Variants in PCDHGC3 observed in about 807,000 individuals in gnomAD.
PCDHGC3 encodes protocadherin gamma subfamily C, 3.
PCDHGC3 carries 26 observed loss-of-function variants against 59.2 expected under a neutral mutation model. That is an observed-to-expected ratio of 0.44 (90% CI 0.32 to 0.61). PCDHGC3 has a LOEUF of 0.61. Ranked by LOEUF, PCDHGC3 falls within the 20% of genes least tolerant of loss-of-function variation. The pLI is 0.05. For synonymous variants in PCDHGC3, 487 were observed against 519.7 expected, an observed-to-expected ratio of 0.94 and a Z score of 0.86; for missense variants, 1,080 against 1,221.8, an observed-to-expected ratio of 0.88 and a Z score of 1.73.
At chr5:141,481,844 G>A (rs552753850) in intron 1 of PCDHGC3, among the ~76,000 whole-genome samples, 7 of 151,350 alleles carry the variant, frequency 4.6e-5, no homozygotes, top group Admixed American at 1.3e-4. Context: ...TCGCTTGATG[G>A]TGGAGGTTGC....
intron 1 of PCDHGC3, chr5:141,492,046 A>C: frequency 6.1e-6 from 3 of 494,434 alleles, no homozygotes; most frequent in South Asian, 8.1e-5. Flanking sequence ...TCACAGATCC[A>C]CCCCTGCAGC....
chr5:141,486,673 A>G lies in PCDHGC3; in HGVS notation c.2430+8127A>G. On this transcript the variant is annotated intron_variant, in intron 1 of 3. Transcript: ENST00000308177. The surrounding 1 kb of genome is among the most constrained non-coding windows in gnomAD (Gnocchi z 5.0). ...ACTCACTCCTGGAGCCCAGGAATCG[A>G]GATGTATCAGCTTCCTCTTTCATCT... The G allele has an allele frequency of 6.2e-7, 1 of 1,614,014 alleles. No homozygotes were observed. The highest frequency in any genetic ancestry group is 2.2e-5 in the East Asian group (1 of 44,866).
At position 141,485,430 on chromosome 5, in the gene PCDHGC3, T is replaced by C; in HGVS notation, c.2430+6884T>C. The C allele has an allele frequency of 6.2e-7, 1 of 1,614,138 alleles. No individual in the cohort carries two copies. Among genetic ancestry groups the C allele is most frequent in the Non-Finnish European group, 8.5e-7 (1 of 1,180,022 alleles). On this transcript the variant is annotated intron_variant, in intron 1 of 3. Transcript: ENST00000308177. The surrounding 1 kb of genome is among the most constrained non-coding windows in gnomAD (Gnocchi z 5.7). ...GATTTGGACAGCGGAGCCCTGCTCA[T>C]CAAGAACCCAATCGACCGAGAGGCA... is the stretch of plus-strand genomic sequence containing the variant.
Position 141,487,421 on chromosome 5 carries a change from C to T in PCDHGC3, c.2431-7386C>T. ...GGGGCTTCCCCCTTCCAATGGGATC[C>T]TCCGAATCCAGCTAGGGTCAGATGA... On this transcript the variant is annotated intron_variant, in intron 1 of 3. Coordinates refer to ENST00000308177, the MANE Select transcript of PCDHGC3 (RefSeq NM_002588.4). This position sits in a 1 kb window ranked among gnomAD's most constrained non-coding sequence, Gnocchi z 5.0. The T allele has an allele frequency of 6.2e-7, 1 of 1,614,144 alleles. No homozygotes were observed. The highest frequency in any genetic ancestry group is 1.1e-5 in the South Asian group (1 of 91,082).
In PCDHGC3 at chr5:141,489,406, A is replaced by T; in HGVS notation, c.2431-5401A>T. 6.2e-7 allele frequency: 1 copy of T among 1,614,166 alleles called. No individual in the cohort carries two copies. Among genetic ancestry groups the T allele is most frequent in the Non-Finnish European group, 8.5e-7 (1 of 1,180,028 alleles). Reference sequence around the variant, plus strand: ...TGTTGCTCAGGATCTGGGCTTAAAGATGACAGATCTGTTGAGCCGGCGGCT... The same window carrying T: ...TGTTGCTCAGGATCTGGGCTTAAAGTTGACAGATCTGTTGAGCCGGCGGCT... On this transcript the variant is annotated intron_variant, in intron 1 of 3. Coordinates refer to ENST00000308177, the MANE Select transcript of PCDHGC3 (RefSeq NM_002588.4). This position sits in a 1 kb window ranked among gnomAD's most constrained non-coding sequence, Gnocchi z 4.5.
At chr5:141,496,581 C>T (rs868326584) in intron 2 of PCDHGC3, among the ~76,000 whole-genome samples, 9 of 152,134 alleles carry the variant, frequency 5.9e-5, no homozygotes, top group African/African-American at 1.9e-4. Flanking sequence ...ATTTTAGGAA[C>T]GCAAAGCGCT....
chr5:141,511,084 C>G lies in PCDHGC3; in HGVS notation c.2716C>G (p.Leu906Val). 1 of 1,614,236 alleles carries G rather than the reference C, an allele frequency of 6.2e-7. No homozygotes were observed. Among genetic ancestry groups the G allele is most frequent in the Non-Finnish European group, 8.5e-7 (1 of 1,180,030 alleles). The change falls in exon 4 of 4, where the codon CTG becomes GTG. Residue 906 changes from leucine (L) to valine (V), a missense_variant. Leu to Val is a conservative substitution (Grantham distance 32). Coordinates refer to ENST00000308177, the MANE Select transcript of PCDHGC3 (RefSeq NM_002588.4). Reference sequence around the variant, plus strand: ...CTACATCCCAGGCAGCAATGCCACACTGACCAACGCAGCTGGCAAGCGGGA... The same window carrying G: ...CTACATCCCAGGCAGCAATGCCACAGTGACCAACGCAGCTGGCAAGCGGGA... ...NVYIPGSNAT[L>V]TNAAGKRDGK...
Position 141,491,547 on chromosome 5 carries a change from G to A in PCDHGC3, c.2431-3260G>A. On this transcript the variant is annotated intron_variant, in intron 1 of 3. Transcript: ENST00000308177. This position sits in a 1 kb window ranked among gnomAD's most constrained non-coding sequence, Gnocchi z 6.9. ...AGGTGACGCTGCGGCCCACAGACTC[G>A]CAGAGCCACTGCTACAGGACGTGCT... is the stretch of plus-strand genomic sequence containing the variant. The A allele has an allele frequency of 4.3e-6, 7 of 1,613,974 alleles. No individual in the cohort carries two copies. The highest frequency in any genetic ancestry group is 5.9e-6 in the Non-Finnish European group (7 of 1,180,022).
Position 141,491,885 on chromosome 5 carries a change from G to T in PCDHGC3, c.2431-2922G>T. On this transcript the variant is annotated intron_variant, in intron 1 of 3. Transcript: ENST00000308177. The surrounding 1 kb of genome is among the most constrained non-coding windows in gnomAD (Gnocchi z 6.9). ...ACCAGAGTGGCCGATTAAGGGATGG[G>T]GCTCCGAGCACCGGGGGTGGTGGCG... The T allele has an allele frequency of 6.9e-7, 1 of 1,445,748 alleles. No homozygotes were observed. Among genetic ancestry groups the T allele is most frequent in the Non-Finnish European group, 9.1e-7 (1 of 1,093,758 alleles). The allele number at this position is 1,445,748 out of a possible 1,614,324, so 89.6% of individuals were successfully genotyped here. A position where few individuals can be genotyped will look rare whatever the true frequency, so the allele number is the denominator to read the frequency against.
At position 141,477,368 on chromosome 5, in the gene PCDHGC3, G is replaced by A; in HGVS notation, c.1252G>A (p.Glu418Lys). Reference sequence around the variant, plus strand: ...GAAAACCAGTGCAGACCTGGATCGGGAGACTGTGCCAGAATACAACCTCAG... The same window carrying A: ...GAAAACCAGTGCAGACCTGGATCGGAAGACTGTGCCAGAATACAACCTCAG... ...TLKTSADLDRETVPEYNLSIT... is the reference protein window; with the variant it reads ...TLKTSADLDRKTVPEYNLSIT... Residue 418 changes from glutamate (E) to lysine (K), a missense_variant, in exon 1 of 4, where the codon GAG (glutamate) becomes AAG (lysine). By Grantham distance (56) the Glu-to-Lys change is moderately conservative (BLOSUM62 1). Coordinates refer to ENST00000308177, the MANE Select transcript of PCDHGC3 (RefSeq NM_002588.4). The surrounding 1 kb of genome is among the most constrained non-coding windows in gnomAD (Gnocchi z 4.9). 6.2e-7 allele frequency: 1 copy of A among 1,614,132 alleles called. No individual in the cohort carries two copies. Among genetic ancestry groups the A allele is most frequent in the Non-Finnish European group, 8.5e-7 (1 of 1,180,024 alleles).
In PCDHGC3 at chr5:141,505,471, G is replaced by A. The variant is rs766596231; in HGVS notation, c.2568G>A (p.Ala856=). The A allele has an allele frequency of 3.4e-5, 55 of 1,614,244 alleles. No individual in the cohort carries two copies. The highest frequency in any genetic ancestry group is 1.1e-4 in the East Asian group (5 of 44,880). ...AGATGCTGCAAGCCATGATCTTGGCGTCCGCCAGTGGTAAGTGGTGTCAGT... is the reference window on the plus strand; with the variant it reads ...AGATGCTGCAAGCCATGATCTTGGCATCCGCCAGTGGTAAGTGGTGTCAGT... ...DTEMLQAMIL[A]SASEAADGSS... Residue 856 remains alanine (A), a synonymous_variant, in exon 3 of 4, where the codon GCG becomes GCA. Coordinates refer to ENST00000308177, the MANE Select transcript of PCDHGC3 (RefSeq NM_002588.4).
intron 2 of PCDHGC3, 107 bp from the exon 3 acceptor site, chr5:141,505,286 A>T: frequency 3.2e-6 from 5 of 1,551,278 alleles, no homozygotes; most frequent in Non-Finnish European, 4.4e-6. Flanking sequence ...GGTCTTGGGC[A>T]TGGGGTAGGG....
At position 141,497,121 on chromosome 5, in the gene PCDHGC3, G is replaced by T. The variant is rs185298630; in HGVS notation, c.2489+2256G>T. Among the ~76,000 whole-genome samples, 563 of 152,212 alleles carry T rather than the reference G, an allele frequency of 3.7e-3. 5 individuals are homozygous for T. The highest frequency in any genetic ancestry group is 0.011 in the Admixed American group (164 of 15,296). On this transcript the variant is annotated intron_variant, in intron 2 of 3. Coordinates refer to ENST00000308177, the MANE Select transcript of PCDHGC3 (RefSeq NM_002588.4). Reference sequence around the variant, plus strand: ...GAACTGCTTGAACCCGGAAGGCAGAGGTTGCAGTGAGCTGAGATCACGAAA... The same window carrying T: ...GAACTGCTTGAACCCGGAAGGCAGATGTTGCAGTGAGCTGAGATCACGAAA...
rs768648952 is a variant in PCDHGC3, at chr5:141,477,230, G to T, written c.1114G>T (p.Ala372Ser). 14 of 1,614,046 alleles carry T rather than the reference G, an allele frequency of 8.7e-6. No homozygotes were observed. The highest frequency in any genetic ancestry group is 4.0e-5 in the African/African-American group (3 of 74,916). The change falls in exon 1 of 4, where the codon GCT becomes TCT. Residue 372 changes from alanine to serine, a missense_variant. Ala to Ser is a moderately conservative substitution (Grantham distance 99). Transcript: ENST00000308177. The surrounding 1 kb of genome is among the most constrained non-coding windows in gnomAD (Gnocchi z 4.9). Reference sequence around the variant, plus strand: ...GGATGCCCCTCTGGGGACTGTCATCGCTTTGCTCAGTGTGACTGACCTGGA... The same window carrying T: ...GGATGCCCCTCTGGGGACTGTCATCTCTTTGCTCAGTGTGACTGACCTGGA... ...PEDAPLGTVI[A>S]LLSVTDLDAG...
chr5:141,493,346 C>T lies in PCDHGC3; in HGVS notation c.2431-1461C>T, dbSNP rs766845200. Among the ~76,000 whole-genome samples, 5 of 152,172 alleles carry T rather than the reference C, an allele frequency of 3.3e-5. No individual in the cohort carries two copies. Among genetic ancestry groups the T allele is most frequent in the Non-Finnish European group, 7.3e-5 (5 of 68,028 alleles). On this transcript the variant is annotated intron_variant, in intron 1 of 3. Coordinates refer to ENST00000308177, the MANE Select transcript of PCDHGC3 (RefSeq NM_002588.4). The surrounding 1 kb of genome is among the most constrained non-coding windows in gnomAD (Gnocchi z 4.3). Reference sequence around the variant, plus strand: ...CCCCTGTCTAACTCCAGAATGTGTGCTTTTAATTTCTTGGCACTTGGAACT... The same window carrying T: ...CCCCTGTCTAACTCCAGAATGTGTGTTTTTAATTTCTTGGCACTTGGAACT...
intron 2 of PCDHGC3, among the ~76,000 whole-genome samples, chr5:141,503,998 A>G (rs746158378): frequency 4.6e-5 from 7 of 152,104 alleles, no homozygotes; most frequent in Admixed American, 1.3e-4. Context: ...CCTTACAGTC[A>G]CTTAACTGTC....
intron 1 of PCDHGC3, among the ~76,000 whole-genome samples, chr5:141,488,510 G>A (rs910546464): frequency 1.3e-5 from 2 of 152,152 alleles, no homozygotes; most frequent in Non-Finnish European, 2.9e-5. Context: ...TCCACATTTG[G>A]GGTCTGGGGT....
In PCDHGC3 at chr5:141,487,192, C is replaced by T. The variant is rs2099641028; in HGVS notation, c.2431-7615C>T. ...TAGAGGAAGACACTCATCCAGTTGT[C>T]CCAGATCTTCGAGAATCTTCAGCTC... On this transcript the variant is annotated intron_variant, in intron 1 of 3. Transcript: ENST00000308177. This position sits in a 1 kb window ranked among gnomAD's most constrained non-coding sequence, Gnocchi z 5.0. 15 of 1,613,748 alleles carry T rather than the reference C, an allele frequency of 9.3e-6. No individual in the cohort carries two copies. Among genetic ancestry groups the T allele is most frequent in the African/African-American group, 1.3e-5 (1 of 75,040 alleles).
At chr5:141,483,919 G>T (rs912152955) in intron 1 of PCDHGC3, among the ~76,000 whole-genome samples, 2 of 151,008 alleles carry the variant, frequency 1.3e-5, no homozygotes, top group South Asian at 2.1e-4. Flanking sequence ...CACTCAGATT[G>T]CAGGTCGTAG....
Sources: allele counts gnomAD v4.1 joint callset (sites outside exome capture counted in the v4.1 genomes callset), GRCh38; gene constraint gnomAD v4.1.1; non-coding constraint Gnocchi (gnomAD v3.1); transcripts MANE v1.5; gene names NCBI Gene and HGNC (gene_info 2026-07-23, HGNC 2026-07-21).